The following KIF1B variants were observed in gnomAD, a reference collection of about 807,000 sequenced individuals.
KIF1B encodes kinesin-like protein KIF1B.
Under a neutral mutation model 241.9 loss-of-function variants are expected in KIF1B, and 76 were observed. The observed-to-expected ratio is 0.31, with a 90% CI of 0.26 to 0.38. The LOEUF is 0.38. Ranked by LOEUF, KIF1B falls within the 10% of genes least tolerant of loss-of-function variation. KIF1B has a pLI of 1.00. For missense variants in KIF1B, 1,622 were observed against 2,271.4 expected (o/e 0.71, Z 5.81); for synonymous variants, 750 against 796.7 (o/e 0.94, Z 0.99).
intron 14 of KIF1B, 56 bp downstream of exon 14, chr1:10,279,194 G>T (rs1020695387): frequency 1.7e-6 from 2 of 1,189,900 alleles, no homozygotes; most frequent in Non-Finnish European, 1.2e-6. Flanking sequence ...ATCTGCCTCT[G>T]CTGGATCAGC....
intron 34 of KIF1B, among the ~76,000 whole-genome samples, chr1:10,343,766 T>TATAAA (rs1384625617): frequency 6.7e-4 from 101 of 151,804 alleles, no homozygotes; most frequent in African/African-American, 2.2e-3. Context: ...CTCAAAACAA[T>TATAAA]ATAAAATAAA....
intron 1 of KIF1B, chr1:10,227,796 G>T (rs554758561): frequency 6.5e-6 from 1 of 153,600 alleles, no homozygotes; most frequent in Non-Finnish European, 1.5e-5. Context: ...TGACAAGAGC[G>T]AAACTTCATC....
chr1:10,267,768 T>C (rs1174852990), intron 6 of KIF1B, among the ~76,000 whole-genome samples: 3 of 152,236 alleles, frequency 2.0e-5, no homozygotes, highest in African/African-American at 4.8e-5. Context: ...ATGTTAGAGC[T>C]CTCATTGAGT....
rs1651672562 is a variant in KIF1B, at chr1:10,324,939, A to C, written c.2675+44A>C. The C allele has an allele frequency of 2.5e-6, 4 of 1,608,258 alleles. No individual in the cohort carries two copies. The East Asian group carries it at 8.9e-5, about 36-fold the overall frequency. On this transcript the variant is annotated intron_variant, in intron 26 of 48. Transcript: ENST00000676179. ...GATGTCTTCTTTTAAAATAATGATT[A>C]GTTTTAAGTGTTTAAAACCTGAGCA...
chr1:10,219,796 A>G (rs1474276612), intron 1 of KIF1B, among the ~76,000 whole-genome samples: 2 of 148,988 alleles, frequency 1.3e-5, no homozygotes, highest in Non-Finnish European at 1.5e-5. Context: ...GGCTGGGGAC[A>G]GTGGCTCACA....
intron 1 of KIF1B, among the ~76,000 whole-genome samples, chr1:10,212,455 G>T (rs1468456730): frequency 6.6e-6 from 1 of 152,148 alleles, no homozygotes; most frequent in Non-Finnish European, 1.5e-5. Flanking sequence ...CTGTAGATCT[G>T]TTCTTTTCTA....
chr1:10,268,272 G>A lies in KIF1B; in HGVS notation c.720+9G>A. The A allele has an allele frequency of 1.9e-6, 3 of 1,543,968 alleles. No individual in the cohort carries two copies. The highest frequency in any genetic ancestry group is 2.7e-6 in the Non-Finnish European group (3 of 1,116,090). ...ACCTTTCCACTGAGAAGGTAGGAGA[G>A]TTTCAGTCTCTAGGCTTGAGTTGTG... is the stretch of plus-strand genomic sequence containing the variant. On this transcript the variant is annotated intron_variant, in intron 7 of 48. Coordinates refer to ENST00000676179, the MANE Select transcript of KIF1B (RefSeq NM_001365951.3).
rs757797211 is a variant in KIF1B at position 10,324,844 on chromosome 1, C to T, written c.2624C>T (p.Thr875Ile). 10 of 1,614,030 alleles carry T rather than the reference C, an allele frequency of 6.2e-6. No homozygotes were observed. Among genetic ancestry groups the T allele is most frequent in the Non-Finnish European group, 8.5e-6 (10 of 1,180,042 alleles). Residue 875 changes from threonine to isoleucine, a missense_variant, in exon 26 of 49, where the codon ACT becomes ATT. By Grantham distance (89) the Thr-to-Ile change is moderately conservative. Coordinates refer to ENST00000676179, the MANE Select transcript of KIF1B (RefSeq NM_001365951.3). ...SAQDESETTVTGSDPFYDRFH... is the reference protein window; with the variant it reads ...SAQDESETTVIGSDPFYDRFH... ...CAAGACGAAAGCGAAACCACTGTGA[C>T]TGGCAGCGATCCCTTCTATGATCGG...
Position 10,337,637 on chromosome 1 carries a change from G to GA in KIF1B, c.3422+105dup, listed in dbSNP as rs144186250. 3.1e-4 allele frequency: 385 copies of GA among 1,239,250 alleles called. No individual in the cohort carries two copies. Among genetic ancestry groups the GA allele is most frequent in the Non-Finnish European group, 4.3e-4 (369 of 851,496 alleles). The allele number at this position is 1,239,250 out of a possible 1,614,324, so 76.8% of individuals were successfully genotyped here. On this transcript the variant is annotated intron_variant, in intron 31 of 48. Coordinates refer to ENST00000676179, the MANE Select transcript of KIF1B (RefSeq NM_001365951.3). The surrounding 1 kb of genome is among the most constrained non-coding windows in gnomAD (Gnocchi z 4.0). ...ATGTGTGAGGGATTAACACTCTTGA[G>GA]ACAAAGACTGATCAGTCTCTGAAGG...
At chr1:10,270,087 T>C (rs1225924343) in intron 7 of KIF1B, among the ~76,000 whole-genome samples, 1 of 152,228 alleles carries the variant, frequency 6.6e-6, no homozygotes, top group East Asian at 1.9e-4. Flanking sequence ...TGAGGTATTA[T>C]TGAAGTATAC....
At chr1:10,358,380 T>C (rs1438483156) in intron 38 of KIF1B, among the ~76,000 whole-genome samples, 9 of 152,122 alleles carry the variant, frequency 5.9e-5, no homozygotes, top group African/African-American at 2.2e-4. Context: ...ACGTTATGGT[T>C]TGGAACTTAA....
intron 28 of KIF1B, among the ~76,000 whole-genome samples, chr1:10,335,414 A>C (rs903906661): frequency 2.0e-5 from 3 of 152,078 alleles, no homozygotes; most frequent in African/African-American, 7.2e-5. Context: ...CATCACACCC[A>C]GGTAATTTTT....
At position 10,269,859 on chromosome 1, in the gene KIF1B, C is replaced by G. The variant is rs138297956; in HGVS notation, c.720+1596C>G. ...ATTTCTTATATAGATGATCAAATAACTTGTTTAGCCAGAGGTTATAATATT... is the reference window on the plus strand; with the variant it reads ...ATTTCTTATATAGATGATCAAATAAGTTGTTTAGCCAGAGGTTATAATATT... On this transcript the variant is annotated intron_variant, in intron 7 of 48. Coordinates refer to ENST00000676179, the MANE Select transcript of KIF1B (RefSeq NM_001365951.3). 5.3e-5 allele frequency among the ~76,000 whole-genome samples: 8 copies of G among 152,248 alleles called. No individual in the cohort carries two copies. In the East Asian group the frequency reaches 1.5e-3, roughly 29 times the overall value.
intron 2 of KIF1B, among the ~76,000 whole-genome samples, chr1:10,246,666 C>T (rs1647218268): frequency 6.6e-6 from 1 of 152,154 alleles, no homozygotes; most frequent in Non-Finnish European, 1.5e-5. Context: ...ATCGCTTGAA[C>T]CTGGGAGGCG....
At chr1:10,284,775 T>A (rs1388680704) in intron 15 of KIF1B, among the ~76,000 whole-genome samples, 1 of 151,740 alleles carries the variant, frequency 6.6e-6, no homozygotes, top group Non-Finnish European at 1.5e-5. Context: ...GGCAGGAGAA[T>A]CCCTTGAACC....
chr1:10,378,818 T>C lies in KIF1B; in HGVS notation c.*2231T>C, dbSNP rs1025053942. ...AATCACGGAGAGAGAAAGGAAAGGA[T>C]AGAATCACAGGCTGCGTCTGCACCT... On this transcript the variant is annotated 3_prime_UTR_variant, in exon 49 of 49. Transcript: ENST00000676179. The C allele has an allele frequency of 1.5e-4, 38 of 249,004 alleles. No homozygotes were observed. The East Asian group carries it at 2.1e-3, about 14-fold the overall frequency. The allele number at this position is 249,004 out of a possible 1,614,324, so 15.4% of individuals were successfully genotyped here.
chr1:10,243,717 A>C (rs1647169642), intron 2 of KIF1B, among the ~76,000 whole-genome samples: 1 of 152,220 alleles, frequency 6.6e-6, no homozygotes. Flanking sequence ...ATATTTATTA[A>C]GTTTTACTAT....
At chr1:10,237,676 C>T (rs951601921) in intron 2 of KIF1B, among the ~76,000 whole-genome samples, 3 of 152,038 alleles carry the variant, frequency 2.0e-5, no homozygotes, top group East Asian at 1.9e-4. Flanking sequence ...TGCCGCACAG[C>T]GTAACTGATA....
intron 22 of KIF1B, chr1:10,308,231 C>G (rs990350822): frequency 2.8e-6 from 3 of 1,061,152 alleles, no homozygotes; most frequent in South Asian, 4.6e-5. Context: ...AAGGGGCCGT[C>G]TTAGGCACAG....
Sources: allele counts gnomAD v4.1 joint callset (sites outside exome capture counted in the v4.1 genomes callset), GRCh38; gene constraint gnomAD v4.1.1; non-coding constraint Gnocchi (gnomAD v3.1); transcripts MANE v1.5; gene names NCBI Gene and HGNC (gene_info 2026-07-23, HGNC 2026-07-21).